SIMC1: variants seen among roughly 807,000 people sequenced by gnomAD.
SIMC1 encodes the protein SUMO-interacting motif-containing protein 1.
A neutral mutation model predicts 82.3 loss-of-function variants in SIMC1; 55 were observed. That is an observed-to-expected ratio of 0.67 (90% confidence interval 0.54 to 0.84). The LOEUF (loss-of-function observed/expected upper bound fraction) is 0.84. Ranked by LOEUF, SIMC1 falls within the 40% of genes least tolerant of loss-of-function variation. The pLI is 0.00. For synonymous variants in SIMC1, 353 were observed against 426.3 expected, an observed-to-expected ratio of 0.83 and a Z score of 2.12; for missense variants, 915 against 1,107.2, an observed-to-expected ratio of 0.83 and a Z score of 2.46.
chr5:176,253,275 A>C lies in SIMC1; in HGVS notation c.129+14638A>C, dbSNP rs540344974. On this transcript the variant is annotated intron_variant, in intron 1 of 9. Transcript: ENST00000429602. The stretch of plus-strand genomic sequence containing the variant: ...TGGGCTTCCCTTTGTGGGTAACCCG[A>C]CCTTTCCCTCTGGCTGCCCTTAATA... Among the ~76,000 whole-genome samples, 51 of 152,230 alleles carry C rather than the reference A, an allele frequency of 3.4e-4. 1 individual carries two copies. The highest frequency in any genetic ancestry group is 1.2e-3 in the African/African-American group (50 of 41,536).
At chr5:176,292,772 C>T (rs1006160344) in intron 2 of SIMC1, among the ~76,000 whole-genome samples, 5 of 152,158 alleles carry the variant, frequency 3.3e-5, no homozygotes, top group African/African-American at 4.8e-5. Context: ...AACTCCTGAC[C>T]TCAAGTGATC....
chr5:176,290,974 T>G lies in SIMC1; in HGVS notation c.1431+19T>G, dbSNP rs1482682335. 1 of 1,523,586 alleles carries G rather than the reference T, an allele frequency of 6.6e-7. No homozygotes were observed. Among genetic ancestry groups the G allele is most frequent in the African/African-American group, 1.4e-5 (1 of 72,632 alleles). The allele number at this position is 1,523,586 out of a possible 1,614,324, so 94.4% of individuals were successfully genotyped here. A position where few individuals can be genotyped will look rare whatever the true frequency, so the allele number is the denominator to read the frequency against. On this transcript the variant is annotated intron_variant, in intron 2 of 9. Transcript: ENST00000429602. The stretch of plus-strand genomic sequence containing the variant: ...AAGAGAGGTGAGCTAACATCTTCCC[T>G]CAGGGATTAGGTGTCCTTTCCCTAG...
chr5:176,266,293 G>A (rs570265608), intron 1 of SIMC1, among the ~76,000 whole-genome samples: 18 of 152,076 alleles, frequency 1.2e-4, no homozygotes, highest in East Asian at 7.7e-4. Context: ...CAAGGCTGGC[G>A]GAGCAAGAAA....
At chr5:176,245,853 T>G (rs953351540) in intron 1 of SIMC1, among the ~76,000 whole-genome samples, 2 of 152,088 alleles carry the variant, frequency 1.3e-5, no homozygotes, top group Non-Finnish European at 2.9e-5. Context: ...CAAGGGTGGC[T>G]CCAGTCCAAG....
intron 4 of SIMC1, chr5:176,304,415 C>G (rs2113308494): frequency 5.6e-6 from 1 of 178,250 alleles, no homozygotes; most frequent in East Asian, 1.8e-4. Context: ...TCTCCAGCCC[C>G]TAACCGCGAG....
Position 176,337,155 on chromosome 5 carries a change from C to G in SIMC1, c.2413+9C>G, listed in dbSNP as rs753372158. The G allele has an allele frequency of 7.4e-6, 12 of 1,611,726 alleles. No individual in the cohort carries two copies. Among genetic ancestry groups the G allele is most frequent in the Admixed American group, 3.3e-5 (2 of 59,906 alleles). On this transcript the variant is annotated intron_variant, in intron 9 of 9. Coordinates refer to ENST00000429602, the MANE Select transcript of SIMC1 (RefSeq NM_001308195.2). The stretch of plus-strand genomic sequence containing the variant: ...TCAACATGTTTTAAGAGGTAAGGAG[C>G]ATTTGTTCACAAGTGGAGTAGTGGA...
At chr5:176,317,128 TAAG>T (rs1479106112) in intron 5 of SIMC1, among the ~76,000 whole-genome samples, 1 of 152,204 alleles carries the variant, frequency 6.6e-6, no homozygotes, top group Non-Finnish European at 1.5e-5. Flanking sequence ...TTTGATTCAT[TAAG>T]AAATGGATAT....
At chr5:176,313,478 T>G in intron 4 of SIMC1, 1 of 1,550,834 alleles carries the variant, frequency 6.4e-7, no homozygotes, top group Non-Finnish European at 8.7e-7. Context: ...TTCTGAAACC[T>G]TATAAGGTAT....
chr5:176,317,002 A>G (rs1056459423), intron 5 of SIMC1, among the ~76,000 whole-genome samples: 1 of 152,176 alleles, frequency 6.6e-6, no homozygotes, highest in Non-Finnish European at 1.5e-5. Flanking sequence ...CAACAACAAC[A>G]AAGATAGGCA....
chr5:176,331,460 TG>T (rs545322760), intron 7 of SIMC1, among the ~76,000 whole-genome samples: 220 of 150,570 alleles, frequency 1.5e-3, no homozygotes, highest in Non-Finnish European at 2.4e-3. Flanking sequence ...GGATTACAGG[TG>T]CCCCCACCAT....
At chr5:176,307,301 A>G in intron 4 of SIMC1, among the ~76,000 whole-genome samples, 1 of 152,236 alleles carries the variant, frequency 6.6e-6, no homozygotes, top group Non-Finnish European at 1.5e-5. Flanking sequence ...CAAGATTAAA[A>G]GTTCTGGGGC....
intron 5 of SIMC1, among the ~76,000 whole-genome samples, chr5:176,320,219 C>G (rs1401729153): frequency 6.6e-6 from 1 of 152,116 alleles, no homozygotes; most frequent in East Asian, 1.9e-4. Flanking sequence ...TGCCTGGTAT[C>G]CCAGTCCAGA....
chr5:176,296,369 T>A lies in SIMC1; in HGVS notation c.1734+49T>A, dbSNP rs893348124. ...TCTTCTGTAGGGGAAGTTTTAACTA[T>A]AAAGAAAAGTGATATCAGGTGCCAT... On this transcript the variant is annotated intron_variant, in intron 4 of 9. Coordinates refer to ENST00000429602, the MANE Select transcript of SIMC1 (RefSeq NM_001308195.2). The A allele has an allele frequency of 5.0e-6, 8 of 1,612,552 alleles. No homozygotes were observed. In the African/African-American group the frequency reaches 1.1e-4, roughly 22 times the overall value.
chr5:176,252,867 C>T (rs1451625241), intron 1 of SIMC1, among the ~76,000 whole-genome samples: 1 of 152,178 alleles, frequency 6.6e-6, no homozygotes, highest in Non-Finnish European at 1.5e-5. Context: ...ACTGAGTGAA[C>T]GAGACTCCGT....
intron 9 of SIMC1, among the ~76,000 whole-genome samples, chr5:176,342,648 A>C (rs540473652): frequency 6.6e-6 from 1 of 152,186 alleles, no homozygotes; most frequent in East Asian, 1.9e-4. Flanking sequence ...TTTCCTCAGG[A>C]CATTTGCTAT....
intron 1 of SIMC1, among the ~76,000 whole-genome samples, chr5:176,271,826 G>A (rs1762437727): frequency 6.8e-6 from 1 of 147,602 alleles, no homozygotes; most frequent in Admixed American, 6.9e-5. Flanking sequence ...AAATATTCCT[G>A]TCTCAAAATA....
intron 1 of SIMC1, among the ~76,000 whole-genome samples, chr5:176,255,596 TTA>T (rs1248277108): frequency 2.1e-3 from 271 of 126,762 alleles, no homozygotes; most frequent in Middle Eastern, 0.012. Flanking sequence ...TTTTTTTTTT[TTA>T]AAGAAAAAGA....
At chr5:176,276,552 T>C (rs1762709488) in intron 1 of SIMC1, among the ~76,000 whole-genome samples, 1 of 148,314 alleles carries the variant, frequency 6.7e-6, no homozygotes, top group African/African-American at 2.5e-5. Flanking sequence ...ACCCACTAAC[T>C]CATCATCTAG....
intron 7 of SIMC1, among the ~76,000 whole-genome samples, chr5:176,326,854 C>T (rs764589441): frequency 3.0e-4 from 46 of 152,126 alleles, no homozygotes; most frequent in Non-Finnish European, 4.9e-4. Context: ...CGTAAACCAC[C>T]ACACCTGGCA....
Sources: gnomAD v4.1 joint callset for allele counts (sites outside exome capture counted in the v4.1 genomes callset) on GRCh38, gnomAD v4.1.1 for gene constraint, MANE v1.5 for transcripts, NCBI Gene and HGNC (gene_info 2026-07-23, HGNC 2026-07-21) for gene names.